Variants in TEX11 observed in about 807,000 individuals in gnomAD.
TEX11 encodes testis expressed 11.
Under a neutral mutation model 84.4 loss-of-function variants are expected in TEX11, and 7 were observed. The ratio of observed to expected loss-of-function variants is 0.08; its 90% CI spans 0.05 to 0.16. The LOEUF is 0.16. Among genes scored for constraint, TEX11 ranks in the 10% least tolerant of loss-of-function variants. The probability of loss-of-function intolerance (pLI) is 1.00; values close to 1 mark genes in which losing one functional copy is unlikely to be tolerated. For synonymous variants in TEX11, 264 were observed against 222.8 expected (o/e 1.18, Z -1.64); for missense variants, 551 against 660.5 (o/e 0.83, Z 1.82).
chrX:70,568,904 G>C (rs2147966565), intron 25 of TEX11, among the ~76,000 whole-genome samples: 1 of 110,418 alleles, frequency 9.1e-6, no homozygotes, highest in South Asian at 4.0e-4. Flanking sequence ...TCTTCTCGAG[G>C]AGTATCTTTG....
intron 13 of TEX11, among the ~76,000 whole-genome samples, chrX:70,713,589 G>C (rs1326526952): frequency 5.4e-5 from 6 of 111,789 alleles, no homozygotes; most frequent in Non-Finnish European, 1.1e-4. Flanking sequence ...AGAGGTGTTT[G>C]TAGTATTCTC....
chrX:70,687,427 A>T (rs1475609416), intron 13 of TEX11, among the ~76,000 whole-genome samples: 1 of 110,787 alleles, frequency 9.0e-6, no homozygotes, highest in African/African-American at 3.3e-5. Flanking sequence ...GGATCTGAAT[A>T]AGATTCATAC....
At chrX:70,711,133 C>G (rs201748879) in intron 13 of TEX11, among the ~76,000 whole-genome samples, 7,404 of 110,649 alleles carry the variant, frequency 0.067, 568 homozygotes, top group African/African-American at 0.21. Flanking sequence ...CTTTTTTATG[C>G]CTGCATAGTA....
intron 18 of TEX11, among the ~76,000 whole-genome samples, chrX:70,626,389 C>T (rs1346720644): frequency 1.8e-5 from 2 of 109,928 alleles, no homozygotes; most frequent in Non-Finnish European, 3.8e-5. Context: ...CACCCCAGCT[C>T]TTACTTTCAC....
chrX:70,844,850 G>T (rs1425768237), intron 7 of TEX11, among the ~76,000 whole-genome samples: 1 of 109,798 alleles, frequency 9.1e-6, no homozygotes, highest in Non-Finnish European at 1.9e-5. Flanking sequence ...CATGAGAACC[G>T]CTTGAACCCG....
intron 28 of TEX11, among the ~76,000 whole-genome samples, chrX:70,535,768 T>C (rs1484996399): frequency 9.2e-6 from 1 of 108,496 alleles, no homozygotes; most frequent in Non-Finnish European, 1.9e-5. Flanking sequence ...CCACAAAACT[T>C]ATGGGTTTTT....
At chrX:70,678,911 GA>G (rs2090100647) in intron 14 of TEX11, 22 bp from the exon 15 acceptor site, 1 of 1,130,267 alleles carries the variant, frequency 8.8e-7, no homozygotes, top group African/African-American at 1.9e-5. Flanking sequence ...AAAAAGCTCT[GA>G]AAATAAGAAT....
intron 9 of TEX11, among the ~76,000 whole-genome samples, chrX:70,763,911 C>T (rs1383684863): frequency 1.8e-5 from 2 of 111,988 alleles, no homozygotes; most frequent in East Asian, 2.8e-4. Flanking sequence ...ACCCCACTTT[C>T]GGCATTGGAC....
At chrX:70,750,927 A>ATATATAT (rs1556039261) in intron 9 of TEX11, among the ~76,000 whole-genome samples, 8 of 25,787 alleles carry the variant, frequency 3.1e-4, no homozygotes, top group African/African-American at 7.6e-4. Flanking sequence ...ATAATAAAAA[A>ATATATAT]AAAAAAATAT....
At chrX:70,600,583 C>G (rs2089087047) in intron 24 of TEX11, among the ~76,000 whole-genome samples, 1 of 107,708 alleles carries the variant, frequency 9.3e-6, no homozygotes, top group African/African-American at 3.4e-5. Context: ...AGCACCACAC[C>G]ACACCTATTC....
At chrX:70,639,176 C>A (rs1362127376) in intron 17 of TEX11, among the ~76,000 whole-genome samples, 1 of 111,711 alleles carries the variant, frequency 9.0e-6, no homozygotes, top group Non-Finnish European at 1.9e-5. Context: ...CCTGGAAAAT[C>A]GGGTCACTCC....
At chrX:70,727,486 A>T (rs1282203258) in intron 11 of TEX11, among the ~76,000 whole-genome samples, 1 of 112,179 alleles carries the variant, frequency 8.9e-6, no homozygotes, top group Non-Finnish European at 1.9e-5. Flanking sequence ...ATGTATCCTT[A>T]CCCATAGGCA....
intron 9 of TEX11, among the ~76,000 whole-genome samples, chrX:70,769,819 A>T (rs2090961561): frequency 8.9e-6 from 1 of 111,751 alleles, no homozygotes; most frequent in African/African-American, 3.2e-5. Context: ...ATGCTATTAT[A>T]CAATTCATTA....
At chrX:70,736,385 A>G (rs917347023) in intron 11 of TEX11, among the ~76,000 whole-genome samples, 1 of 111,181 alleles carries the variant, frequency 9.0e-6, no homozygotes, top group African/African-American at 3.3e-5. Context: ...AAAAAGCAAC[A>G]ACCTGAGGAC....
intron 13 of TEX11, among the ~76,000 whole-genome samples, chrX:70,709,110 T>G (rs1352825640): frequency 9.0e-6 from 1 of 110,647 alleles, no homozygotes; most frequent in Non-Finnish European, 1.9e-5. Context: ...GAAAATAAAC[T>G]CATAATGTAA....
chrX:70,606,844 TAA>T, intron 23 of TEX11, 113 bp downstream of exon 23: 1 of 400,549 alleles, frequency 2.5e-6, no homozygotes, highest in Non-Finnish European at 4.1e-6. Flanking sequence ...ACATATATAT[TAA>T]AAGTTCCTAG....
intron 8 of TEX11, among the ~76,000 whole-genome samples, chrX:70,832,682 G>A (rs1331656433): frequency 1.8e-5 from 2 of 111,467 alleles, no homozygotes; most frequent in Non-Finnish European, 3.8e-5. Context: ...AGGCATAGGC[G>A]CTGAAATAGG....
chrX:70,592,284 C>T (rs1412581642), intron 24 of TEX11, among the ~76,000 whole-genome samples: 3 of 111,360 alleles, frequency 2.7e-5, no homozygotes, highest in African/African-American at 9.8e-5. Context: ...GACATTTAAG[C>T]TATGATTCAC....
intron 9 of TEX11, among the ~76,000 whole-genome samples, chrX:70,797,160 C>A (rs1401682748): frequency 2.7e-5 from 3 of 111,834 alleles, no homozygotes; most frequent in Non-Finnish European, 5.6e-5. Flanking sequence ...GACACATGCA[C>A]CTGTATGTTC....
Sources: allele counts gnomAD v4.1 joint callset (sites outside exome capture counted in the v4.1 genomes callset), GRCh38; gene constraint gnomAD v4.1.1; transcripts MANE v1.5; gene names NCBI Gene and HGNC (gene_info 2026-07-23, HGNC 2026-07-21).